Variants in ZFHX3 observed in about 807,000 individuals in gnomAD.
The protein encoded by ZFHX3 is zinc finger homeobox 3, also known as zinc finger homeobox protein 3.
ZFHX3 carries 42 observed loss-of-function variants against 279.1 expected under a neutral mutation model. The ratio of observed to expected loss-of-function variants is 0.15; its 90% CI spans 0.12 to 0.19. The LOEUF (loss-of-function observed/expected upper bound fraction) is 0.19. ZFHX3 is among the 10% of genes least tolerant of loss of function. The pLI, the probability that ZFHX3 is intolerant of heterozygous loss-of-function variation, is 1.00. For synonymous variants in ZFHX3, 2,293 were observed against 1,957.8 expected (o/e 1.17, Z -4.52); for missense variants, 4,981 against 4,754.0 (o/e 1.05, Z -1.40).
chr16:73,165,230 C>T (rs943187411), intron 5 of ZFHX3, among the ~76,000 whole-genome samples: 7 of 152,108 alleles, frequency 4.6e-5, no homozygotes, highest in Non-Finnish European at 8.8e-5. Context: ...TACCCCAACC[C>T]GGATGCAAAA....
At chr16:73,188,456 C>T (rs553901109) in intron 5 of ZFHX3, among the ~76,000 whole-genome samples, 30 of 152,194 alleles carry the variant, frequency 2.0e-4, no homozygotes, top group Admixed American at 3.9e-4. Context: ...TTTGTCCTCT[C>T]GAGCTGATGA....
chr16:73,017,060 T>C (rs1252640546), intron 1 of ZFHX3, among the ~76,000 whole-genome samples: 1 of 151,926 alleles, frequency 6.6e-6, no homozygotes, highest in Non-Finnish European at 1.5e-5. Flanking sequence ...ACCTCATCTC[T>C]ACAAAAATAA....
intron 2 of ZFHX3, among the ~76,000 whole-genome samples, chr16:73,577,729 A>T (rs1017401400): frequency 6.6e-6 from 1 of 152,174 alleles, no homozygotes; most frequent in Non-Finnish European, 1.5e-5. Context: ...AAAAATCTAA[A>T]TTTTTTGGAA....
intron 4 of ZFHX3, among the ~76,000 whole-genome samples, chr16:73,301,753 T>C (rs994821650): frequency 1.4e-5 from 2 of 147,972 alleles, no homozygotes; most frequent in African/African-American, 2.5e-5. Flanking sequence ...GAAACTTGAT[T>C]CCAGCTTTTT....
intron 3 of ZFHX3, among the ~76,000 whole-genome samples, chr16:72,898,874 C>T (rs530360851): frequency 3.9e-5 from 6 of 151,960 alleles, no homozygotes; most frequent in African/African-American, 1.5e-4. Context: ...AAGGGGCCTA[C>T]CAGATCATAA....
chr16:72,812,100 G>A, intron 5 of ZFHX3, 62 bp from the exon 6 acceptor site: 2 of 1,561,368 alleles, frequency 1.3e-6, no homozygotes, highest in South Asian at 2.4e-5. Flanking sequence ...CAGAGGGTTT[G>A]TGTTGGGTGA....
intron 3 of ZFHX3, among the ~76,000 whole-genome samples, chr16:73,433,349 A>C (rs975163220): frequency 6.6e-5 from 10 of 152,172 alleles, no homozygotes; most frequent in Non-Finnish European, 1.5e-4. Flanking sequence ...GGGTATATGC[A>C]CGCAGCCTGT....
chr16:73,287,812 G>C (rs1311915258), intron 4 of ZFHX3, among the ~76,000 whole-genome samples: 1 of 150,466 alleles, frequency 6.6e-6, no homozygotes, highest in Non-Finnish European at 1.5e-5. Flanking sequence ...GTGTGGCTGT[G>C]TGGGTCAGTG....
At chr16:73,414,638 C>A (rs192014560) in intron 3 of ZFHX3, among the ~76,000 whole-genome samples, 1 of 152,178 alleles carries the variant, frequency 6.6e-6, no homozygotes, top group Non-Finnish European at 1.5e-5. Context: ...AAGTTTGAGA[C>A]CAGCCTGAGC....
intron 2 of ZFHX3, among the ~76,000 whole-genome samples, chr16:73,610,985 C>CA (rs1429784619): frequency 6.6e-6 from 1 of 152,194 alleles, no homozygotes; most frequent in Non-Finnish European, 1.5e-5. Context: ...GAGGCTTTGT[C>CA]AGCCGCTGCT....
chr16:73,684,502 T>C (rs1278975345), intron 1 of ZFHX3, among the ~76,000 whole-genome samples: 1 of 151,992 alleles, frequency 6.6e-6, no homozygotes, highest in Non-Finnish European at 1.5e-5. Flanking sequence ...AATGTGCATA[T>C]TGGATTAAGG....
At chr16:73,437,785 GA>G (rs2018021670) in intron 3 of ZFHX3, among the ~76,000 whole-genome samples, 1 of 152,140 alleles carries the variant, frequency 6.6e-6, no homozygotes, top group East Asian at 1.9e-4. Flanking sequence ...TTAATCAAAA[GA>G]AAGTCAAATC....
At chr16:73,884,189 C>T (rs1411242087) in intron 1 of ZFHX3, among the ~76,000 whole-genome samples, 1 of 152,050 alleles carries the variant, frequency 6.6e-6, no homozygotes, top group Admixed American at 6.6e-5. Flanking sequence ...TGTATCAGGC[C>T]TGTATGGTTT....
At chr16:73,186,456 T>C (rs142651377) in intron 5 of ZFHX3, among the ~76,000 whole-genome samples, 10 of 152,176 alleles carry the variant, frequency 6.6e-5, no homozygotes, top group African/African-American at 1.4e-4. Flanking sequence ...GAGGGTGAAC[T>C]GAGACGACAT....
At chr16:73,832,660 C>T (rs940419242) in intron 1 of ZFHX3, among the ~76,000 whole-genome samples, 1 of 151,682 alleles carries the variant, frequency 6.6e-6, no homozygotes, top group African/African-American at 2.4e-5. Flanking sequence ...CAATCCTCCC[C>T]CCTCAGCCTC....
At chr16:73,470,236 C>T (rs1028972972) in intron 2 of ZFHX3, among the ~76,000 whole-genome samples, 5 of 152,230 alleles carry the variant, frequency 3.3e-5, no homozygotes, top group East Asian at 3.9e-4. Context: ...CCTATATTCA[C>T]GGGGGCTTCA....
chr16:72,829,670 A>G (rs2037018135), intron 5 of ZFHX3, 109 bp downstream of exon 5: 2 of 1,220,258 alleles, frequency 1.6e-6, no homozygotes, highest in African/African-American at 3.0e-5. Flanking sequence ...CAGACTAAGG[A>G]TGTATCCGCT....
intron 1 of ZFHX3, among the ~76,000 whole-genome samples, chr16:72,969,934 G>A (rs776564263): frequency 5.9e-5 from 9 of 152,198 alleles, no homozygotes; most frequent in East Asian, 1.9e-4. Context: ...TTGAACAGGC[G>A]CCTTGTGCTG....
At chr16:73,392,375 C>T (rs1399697244) in intron 3 of ZFHX3, among the ~76,000 whole-genome samples, 5 of 124,594 alleles carry the variant, frequency 4.0e-5, no homozygotes, top group African/African-American at 1.6e-4. Context: ...GCTGAGATCA[C>T]ACCACTGTAC....
Sources: gnomAD v4.1 joint callset for allele counts (sites outside exome capture counted in the v4.1 genomes callset) on GRCh38, gnomAD v4.1.1 for gene constraint, MANE v1.5 for transcripts, NCBI Gene and HGNC (gene_info 2026-07-23, HGNC 2026-07-21) for gene names.